DSTYK: variants seen among roughly 807,000 people sequenced by gnomAD.
DSTYK encodes the protein RIP-homologous kinase.
Under a neutral mutation model 98.7 loss-of-function variants are expected in DSTYK, and 34 were observed. The ratio of observed to expected loss-of-function variants is 0.34; its 90% confidence interval spans 0.26 to 0.46. The LOEUF (loss-of-function observed/expected upper bound fraction) is 0.46. DSTYK is among the 20% of genes least tolerant of loss of function. DSTYK has a pLI of 1.00. For missense variants in DSTYK, 962 were observed against 1,181.7 expected, an observed-to-expected ratio of 0.81 and a Z score of 2.73; for synonymous variants, 462 against 457.3, an observed-to-expected ratio of 1.01 and a Z score of -0.13.
chr1:205,156,960 A>G (rs1418573766), intron 10 of DSTYK, among the ~76,000 whole-genome samples: 2 of 152,116 alleles, frequency 1.3e-5, no homozygotes, highest in South Asian at 2.1e-4. Context: ...ATGGTTTTGT[A>G]AGGGGCTTTA....
Position 205,211,107 on chromosome 1 carries a change from G to A in DSTYK, c.265+164C>T, listed in dbSNP as rs1397048561. On this transcript the variant is annotated intron_variant, in intron 1 of 12. Coordinates refer to ENST00000367162, the MANE Select transcript of DSTYK (RefSeq NM_015375.3). The stretch of plus-strand genomic sequence containing the variant: ...CTCCTCAGAAGGATGCCCTCCCAAG[G>A]TATCCCAGATCCGGCCGGCCCATGC... Among the ~76,000 whole-genome samples, 8 of 152,302 alleles carry A rather than the reference G, an allele frequency of 5.3e-5. No homozygotes were observed. The East Asian group carries it at 1.4e-3, about 26-fold the overall frequency.
intron 1 of DSTYK, among the ~76,000 whole-genome samples, chr1:205,205,080 G>A (rs1380963949): frequency 6.6e-6 from 1 of 152,130 alleles, no homozygotes; most frequent in Non-Finnish European, 1.5e-5. Context: ...ATGGGATTTT[G>A]TTAATCTAAG....
rs201418933 is a variant in DSTYK, at chr1:205,149,127, C to T, written c.2468-788G>A. Reference sequence around the variant, plus strand: ...ATGTTGGTCAGGGTAGTCTTGAACTCCTGACCTCAGGCGATCCACCTGCCT... The same window carrying T: ...ATGTTGGTCAGGGTAGTCTTGAACTTCTGACCTCAGGCGATCCACCTGCCT... On this transcript the variant is annotated intron_variant, in intron 11 of 12. Transcript: ENST00000367162. Among the ~76,000 whole-genome samples the T allele has an allele frequency of 1.2e-4, 18 of 151,896 alleles. No homozygotes were observed. In the East Asian group the frequency reaches 3.5e-3, roughly 29 times the overall value.
At chr1:205,180,881 C>T (rs1658377790) in intron 2 of DSTYK, among the ~76,000 whole-genome samples, 1 of 152,130 alleles carries the variant, frequency 6.6e-6, no homozygotes, top group East Asian at 1.9e-4. Context: ...ACAGGAACTC[C>T]CAGGTTTTTT....
At chr1:205,154,922 G>A (rs1050631305) in intron 10 of DSTYK, among the ~76,000 whole-genome samples, 3 of 152,122 alleles carry the variant, frequency 2.0e-5, no homozygotes, top group Non-Finnish European at 2.9e-5. Context: ...CTAGAGATCC[G>A]TGGAACTTGA....
At chr1:205,208,194 C>T (rs1360658233) in intron 1 of DSTYK, among the ~76,000 whole-genome samples, 1 of 152,084 alleles carries the variant, frequency 6.6e-6, no homozygotes, top group Non-Finnish European at 1.5e-5. Flanking sequence ...TTTTTAAATT[C>T]TAAAATATCA....
rs112939409 is a variant in DSTYK at position 205,180,744 on chromosome 1, C to T, written c.654+6674G>A. On this transcript the variant is annotated intron_variant, in intron 2 of 12. Transcript: ENST00000367162. ...CCTCCCAAAGTGCTGGCATTACAGG[C>T]GTGAGCCACTGTGCCCAGCCAGGCT... Among the ~76,000 whole-genome samples the T allele has an allele frequency of 8.6e-3, 1,303 of 152,274 alleles. 22 individuals are homozygous for T. Among genetic ancestry groups the T allele is most frequent in the African/African-American group, 0.03 (1,246 of 41,544 alleles).
intron 10 of DSTYK, among the ~76,000 whole-genome samples, chr1:205,153,893 C>T (rs11240371): frequency 0.81 from 118,207 of 145,692 alleles, 48,678 homozygotes; most frequent in East Asian, 0.97. Context: ...TTTGTATTTT[C>T]GGTAGAGACA....
chr1:205,154,908 T>G (rs1657512081), intron 10 of DSTYK, among the ~76,000 whole-genome samples: 1 of 152,186 alleles, frequency 6.6e-6, no homozygotes, highest in Non-Finnish European at 1.5e-5. Context: ...ATTTTGCCCC[T>G]GCCCTAGAGA....
At chr1:205,155,443 C>A (rs751100242) in intron 10 of DSTYK, among the ~76,000 whole-genome samples, 11 of 151,660 alleles carry the variant, frequency 7.3e-5, no homozygotes, top group Non-Finnish European at 1.6e-4. Context: ...CCGAGGTGGG[C>A]GGATCACTTG....
chr1:205,198,897 T>C (rs1658947489), intron 1 of DSTYK, among the ~76,000 whole-genome samples: 1 of 151,022 alleles, frequency 6.6e-6, no homozygotes, highest in Non-Finnish European at 1.5e-5. Flanking sequence ...GGTGGCGCGA[T>C]CTCGACTCAC....
intron 1 of DSTYK, among the ~76,000 whole-genome samples, chr1:205,200,191 C>T (rs945956556): frequency 2.6e-5 from 4 of 152,008 alleles, no homozygotes; most frequent in African/African-American, 7.2e-5. Flanking sequence ...CGCCTACCAC[C>T]GCGACCAGAT....
intron 6 of DSTYK, 70 bp downstream of exon 6, chr1:205,161,966 C>G (rs183607540): frequency 6.6e-7 from 1 of 1,508,520 alleles, no homozygotes; most frequent in East Asian, 2.3e-5. Context: ...GAGCGGAGAG[C>G]GAAATATTCC....
At chr1:205,185,648 T>G (rs2102447478) in intron 2 of DSTYK, among the ~76,000 whole-genome samples, 1 of 152,350 alleles carries the variant, frequency 6.6e-6, no homozygotes, top group Non-Finnish European at 1.5e-5. Flanking sequence ...AAGTAATATT[T>G]CATGAAACTT....
At position 205,142,897 on chromosome 1, in the gene DSTYK, T is replaced by A. The variant is rs921574114; in HGVS notation, c.*4661A>T. 1 of 152,190 alleles carries A rather than the reference T, an allele frequency of 6.6e-6. No homozygotes were observed. The highest frequency in any genetic ancestry group is 2.4e-5 in the African/African-American group (1 of 41,440). 9.4% of individuals were successfully genotyped at this position (152,190 alleles called of 1,614,324 possible). On this transcript the variant is annotated 3_prime_UTR_variant, in exon 13 of 13. Transcript: ENST00000367162. Reference sequence around the variant, plus strand: ...CCCAGACCAATTTTCTTTTCAACTATCTGGGCAAGGTGGCCTCCCCAGTGC... The same window carrying A: ...CCCAGACCAATTTTCTTTTCAACTAACTGGGCAAGGTGGCCTCCCCAGTGC...
intron 1 of DSTYK, chr1:205,202,198 G>A (rs779220952): frequency 4.8e-5 from 27 of 565,338 alleles, no homozygotes; most frequent in East Asian, 9.5e-5. Flanking sequence ...AAAATGGTTC[G>A]CTATTCACTT....
chr1:205,201,197 G>A (rs1175438026), intron 1 of DSTYK, among the ~76,000 whole-genome samples: 1 of 152,116 alleles, frequency 6.6e-6, no homozygotes, highest in Non-Finnish European at 1.5e-5. Flanking sequence ...GAGCCACCAT[G>A]ATGGCCCAGT....
chr1:205,157,708 G>A (rs1657603295), intron 9 of DSTYK, among the ~76,000 whole-genome samples: 1 of 148,948 alleles, frequency 6.7e-6, no homozygotes, highest in South Asian at 2.1e-4. Context: ...CTTGCAGTGA[G>A]TTGAGATGGT....
intron 2 of DSTYK, among the ~76,000 whole-genome samples, chr1:205,178,445 C>G (rs1377095929): frequency 1.3e-5 from 2 of 151,652 alleles, no homozygotes; most frequent in African/African-American, 4.8e-5. Context: ...GAGAGAGAGA[C>G]AAAATATTTT....
Sources: allele counts gnomAD v4.1 joint callset (sites outside exome capture counted in the v4.1 genomes callset), GRCh38; gene constraint gnomAD v4.1.1; transcripts MANE v1.5; gene names NCBI Gene and HGNC (gene_info 2026-07-23, HGNC 2026-07-21).